The following ITGA11 variants were observed in gnomAD, a reference collection of about 807,000 sequenced individuals.
The protein encoded by ITGA11 is integrin subunit alpha 11, also known as integrin alpha-11.
Under a neutral mutation model 141.9 loss-of-function variants are expected in ITGA11, and 97 were observed. That is an observed-to-expected ratio of 0.68 (90% CI 0.58 to 0.81). The LOEUF (loss-of-function observed/expected upper bound fraction) is 0.81, where lower values mean the gene tolerates loss of function less well. ITGA11 is among the 30% of genes least tolerant of loss of function. The pLI is 0.00. For missense variants in ITGA11, 1,387 were observed against 1,559.2 expected, an observed-to-expected ratio of 0.89 and a Z score of 1.86; for synonymous variants, 658 against 624.6, an observed-to-expected ratio of 1.05 and a Z score of -0.80.
At chr15:68,343,922 G>A (rs998174777) in intron 10 of ITGA11, among the ~76,000 whole-genome samples, 1 of 152,208 alleles carries the variant, frequency 6.6e-6, no homozygotes, top group African/African-American at 2.4e-5. Flanking sequence ...CTGTGGAGGA[G>A]GGGCCCTCAC....
chr15:68,420,545 C>G (rs986635095), intron 1 of ITGA11, among the ~76,000 whole-genome samples: 1 of 152,160 alleles, frequency 6.6e-6, no homozygotes, highest in Non-Finnish European at 1.5e-5. Context: ...AACAAGTGGA[C>G]AGGGAAAAGT....
chr15:68,426,526 C>A lies in ITGA11; in HGVS notation c.52+5489G>T, dbSNP rs553423463. On this transcript the variant is annotated intron_variant, in intron 1 of 29. Coordinates refer to ENST00000315757, the MANE Select transcript of ITGA11 (RefSeq NM_001004439.2). The stretch of plus-strand genomic sequence containing the variant: ...AGCATCATAGGAGGACCACTTCTAC[C>A]GAGTCAGCATCTTGTTGGAGGAGTC... Among the ~76,000 whole-genome samples the A allele has an allele frequency of 6.6e-5, 10 of 152,202 alleles. No homozygotes were observed. In the South Asian group the frequency reaches 2.1e-3, roughly 32 times the overall value.
At chr15:68,361,520 G>C in intron 5 of ITGA11, 70 bp downstream of exon 5, 1 of 1,003,222 alleles carries the variant, frequency 1.0e-6, no homozygotes, top group South Asian at 1.4e-5. Flanking sequence ...ACAGGTTGTT[G>C]TGCTCAGGGC....
chr15:68,335,653 C>T lies in ITGA11; in HGVS notation c.1425+44G>A, dbSNP rs1340385763. The T allele has an allele frequency of 6.2e-7, 1 of 1,602,694 alleles. No individual in the cohort carries two copies. The highest frequency in any genetic ancestry group is 2.2e-5 in the East Asian group (1 of 44,476). ...ACTGCCCTCCCATTTGTCTGATCTG[C>T]CCCCTCTTCCCTCCATCCCGGCCCC... On this transcript the variant is annotated intron_variant, in intron 12 of 29. Transcript: ENST00000315757. The surrounding 1 kb of genome is among the most constrained non-coding windows in gnomAD (Gnocchi z 4.9).
In ITGA11 at chr15:68,351,246, G is replaced by A. The variant is rs754717591; in HGVS notation, c.894+12C>T. 1 of 1,613,498 alleles carries A rather than the reference G, an allele frequency of 6.2e-7. No individual in the cohort carries two copies. Among genetic ancestry groups the A allele is most frequent in the Non-Finnish European group, 8.5e-7 (1 of 1,179,672 alleles). On this transcript the variant is annotated intron_variant, in intron 8 of 29. Transcript: ENST00000315757. ...GAGGCCATCAGCAGCCCTTGGGCGG[G>A]CCAGGACTTACGGCCACCGCATATC... is the stretch of plus-strand genomic sequence containing the variant.
Position 68,331,980 on chromosome 15 carries a change from C to T in ITGA11, c.1649G>A (p.Arg550Gln), listed in dbSNP as rs772394655. Residue 550 changes from arginine (R) to glutamine (Q), a missense_variant, in exon 14 of 30, where the codon CGA becomes CAA. Coordinates refer to ENST00000315757, the MANE Select transcript of ITGA11 (RefSeq NM_001004439.2). ...ARFGSSIASV[R>Q]DLNQDSYNDV... ...ATTGTAGGAATCCTGGTTGAGGTCT[C>T]GAACTGAGGCAATGGAGGACCCAAA... 8.1e-6 allele frequency: 13 copies of T among 1,612,978 alleles called. No individual in the cohort carries two copies. Among genetic ancestry groups the T allele is most frequent in the South Asian group, 3.3e-5 (3 of 90,732 alleles).
At chr15:68,383,460 T>C (rs1895910855) in intron 2 of ITGA11, among the ~76,000 whole-genome samples, 1 of 152,206 alleles carries the variant, frequency 6.6e-6, no homozygotes, top group Admixed American at 6.5e-5. Flanking sequence ...TAATTGTATA[T>C]AACCTTAAAA....
chr15:68,420,595 AAGG>A (rs1377802022), intron 1 of ITGA11, among the ~76,000 whole-genome samples: 1 of 152,138 alleles, frequency 6.6e-6, no homozygotes, highest in Non-Finnish European at 1.5e-5. Context: ...CTGGGGTCGT[AAGG>A]AGGAGGATTG....
At chr15:68,340,213 C>CAAAA (rs10618087) in intron 10 of ITGA11, among the ~76,000 whole-genome samples, 1 of 143,362 alleles carries the variant, frequency 7.0e-6, no homozygotes, top group Non-Finnish European at 1.5e-5. Flanking sequence ...CTTGAAGATA[C>CAAAA]AAAAAAAAAA....
At chr15:68,365,422 G>T in intron 3 of ITGA11, 1 of 744,126 alleles carries the variant, frequency 1.3e-6, no homozygotes, top group Non-Finnish European at 1.6e-6. Flanking sequence ...CTGGGAATAG[G>T]GAGAGGGTCA....
chr15:68,389,215 T>C (rs28711817), intron 2 of ITGA11, among the ~76,000 whole-genome samples: 11,451 of 152,230 alleles, frequency 0.075, 879 homozygotes, highest in African/African-American at 0.19. Flanking sequence ...ATTAACTCTC[T>C]CTCCCATGAA....
Position 68,351,326 on chromosome 15 carries a change from C to T in ITGA11, c.826G>A (p.Asp276Asn), listed in dbSNP as rs772882181. The change falls in exon 8 of 30, where the codon GAC becomes AAC. Residue 276 changes from aspartate (D) to asparagine (N), a missense_variant. Asp to Asn is a conservative substitution (Grantham distance 23). Coordinates refer to ENST00000315757, the MANE Select transcript of ITGA11 (RefSeq NM_001004439.2). ...ATCACCTTCTCCAGGTCTGGGCTGT[C>T]GTGGGACTCCCCATCTGTGATGACA... The part of the protein sequence containing the change: ...MIVITDGESH[D>N]SPDLEKVIQQ... 3.5e-5 allele frequency: 57 copies of T among 1,613,904 alleles called. No homozygotes were observed. Among genetic ancestry groups the T allele is most frequent in the East Asian group, 6.7e-5 (3 of 44,886 alleles).
At chr15:68,347,666 G>T (rs575569732) in intron 10 of ITGA11, among the ~76,000 whole-genome samples, 13 of 152,266 alleles carry the variant, frequency 8.5e-5, no homozygotes, top group African/African-American at 2.4e-4. Context: ...CAGCTGCTTG[G>T]TGTAGAGGAA....
At chr15:68,380,847 T>A (rs1439871490) in intron 2 of ITGA11, among the ~76,000 whole-genome samples, 1 of 152,190 alleles carries the variant, frequency 6.6e-6, no homozygotes, top group Non-Finnish European at 1.5e-5. Context: ...CCCTTCTGAC[T>A]TTCCAAGTCC....
At chr15:68,360,977 G>A (rs1895224718) in intron 5 of ITGA11, among the ~76,000 whole-genome samples, 1 of 152,270 alleles carries the variant, frequency 6.6e-6, no homozygotes, top group African/African-American at 2.4e-5. Flanking sequence ...AGAGGAAATA[G>A]TGAGGCTCAG....
rs539826110 is a variant in ITGA11, at chr15:68,355,178, C to T, written c.749+1973G>A. On this transcript the variant is annotated intron_variant, in intron 7 of 29. Transcript: ENST00000315757. ...TTATGGGCTGCCTCCCTTACCCAAGCCATTTCACAAGGGCCTGCTGGGAGT... is the reference window on the plus strand; with the variant it reads ...TTATGGGCTGCCTCCCTTACCCAAGTCATTTCACAAGGGCCTGCTGGGAGT... Among the ~76,000 whole-genome samples the T allele has an allele frequency of 2.0e-5, 3 of 152,258 alleles. No individual in the cohort carries two copies. The East Asian group carries it at 5.8e-4, about 29-fold the overall frequency.
intron 1 of ITGA11, among the ~76,000 whole-genome samples, chr15:68,407,917 A>G (rs1173801437): frequency 6.6e-6 from 1 of 152,244 alleles, no homozygotes; most frequent in Non-Finnish European, 1.5e-5. Flanking sequence ...GGCTAAGGCC[A>G]TTCAACAGCT....
chr15:68,403,074 G>A, intron 1 of ITGA11, 45 bp from the exon 2 acceptor site: 1 of 1,343,218 alleles, frequency 7.4e-7, no homozygotes, highest in Non-Finnish European at 1.1e-6. Context: ...AGTCAGACAG[G>A]CAGAGGTGTA....
intron 2 of ITGA11, among the ~76,000 whole-genome samples, chr15:68,400,542 AAT>A (rs1179416509): frequency 4.2e-5 from 5 of 118,398 alleles, no homozygotes; most frequent in Non-Finnish European, 6.6e-5. Flanking sequence ...GTGTATACAG[AAT>A]ATATATATAT....
Sources: allele counts gnomAD v4.1 joint callset (sites outside exome capture counted in the v4.1 genomes callset), GRCh38; gene constraint gnomAD v4.1.1; non-coding constraint Gnocchi (gnomAD v3.1); transcripts MANE v1.5; gene names NCBI Gene and HGNC (gene_info 2026-07-23, HGNC 2026-07-21).